ASTN2: variants seen among roughly 807,000 people sequenced by gnomAD.
The protein encoded by ASTN2 is astrotactin-2.
A neutral mutation model predicts 139.8 loss-of-function variants in ASTN2; 54 were observed. The ratio of observed to expected loss-of-function variants is 0.39; its 90% CI spans 0.31 to 0.48. The LOEUF (loss-of-function observed/expected upper bound fraction) is 0.48. Ranked by LOEUF, ASTN2 falls within the 20% of genes least tolerant of loss-of-function variation. The probability of loss-of-function intolerance (pLI) is 0.95; values close to 1 mark genes in which losing one functional copy is unlikely to be tolerated. For synonymous variants in ASTN2, 756 were observed against 719.5 expected (o/e 1.05, Z -0.81); for missense variants, 1,565 against 1,725.1 (o/e 0.91, Z 1.64).
At chr9:116,591,219 T>A (rs1854366526) in intron 19 of ASTN2, among the ~76,000 whole-genome samples, 1 of 152,122 alleles carries the variant, frequency 6.6e-6, no homozygotes, top group Non-Finnish European at 1.5e-5. Flanking sequence ...GGCTCTGGTA[T>A]CTCCAAGCTT....
At chr9:116,842,108 CAG>C (rs935650712) in intron 11 of ASTN2, among the ~76,000 whole-genome samples, 1 of 152,148 alleles carries the variant, frequency 6.6e-6, no homozygotes, top group Non-Finnish European at 1.5e-5. Context: ...TAGTGTAACA[CAG>C]AGATTCTGAG....
chr9:117,212,328 A>C (rs1832161086), intron 3 of ASTN2, among the ~76,000 whole-genome samples: 1 of 151,560 alleles, frequency 6.6e-6, no homozygotes, highest in African/African-American at 2.4e-5. Flanking sequence ...CAGGGGAAAC[A>C]CTTCAAGACA....
intron 1 of ASTN2, among the ~76,000 whole-genome samples, chr9:117,301,318 G>T (rs76374803): frequency 0.011 from 1,605 of 152,028 alleles, 29 homozygotes; most frequent in African/African-American, 0.036. Flanking sequence ...CCTCTTCCTT[G>T]TCCCACAACA....
intron 2 of ASTN2, among the ~76,000 whole-genome samples, chr9:117,218,686 C>A (rs1832412376): frequency 6.6e-6 from 1 of 152,200 alleles, no homozygotes; most frequent in Non-Finnish European, 1.5e-5. Flanking sequence ...CTGACCTTGG[C>A]TTGCTCCTAT....
intron 4 of ASTN2, among the ~76,000 whole-genome samples, chr9:117,098,468 G>A (rs777125741): frequency 6.6e-6 from 1 of 152,042 alleles, no homozygotes; most frequent in Non-Finnish European, 1.5e-5. Flanking sequence ...TCCTTAAGAC[G>A]GTATGTTCTA....
chr9:116,812,794 G>C (rs939554046), intron 12 of ASTN2, among the ~76,000 whole-genome samples: 1 of 152,110 alleles, frequency 6.6e-6, no homozygotes, highest in African/African-American at 2.4e-5. Context: ...GTGAGTGTGT[G>C]TGTACGACTT....
chr9:116,868,412 C>T (rs1833072095), intron 10 of ASTN2, among the ~76,000 whole-genome samples: 2 of 152,132 alleles, frequency 1.3e-5, no homozygotes, highest in Non-Finnish European at 2.9e-5. Context: ...TACCCTGTGT[C>T]TTGGGCAAGT....
intron 1 of ASTN2, among the ~76,000 whole-genome samples, chr9:117,392,421 C>T (rs1830564732): frequency 6.6e-6 from 1 of 152,150 alleles, no homozygotes; most frequent in Non-Finnish European, 1.5e-5. Flanking sequence ...AGGTTACTAG[C>T]TTATTTTCTT....
chr9:117,054,929 C>T (rs931826981), intron 5 of ASTN2, among the ~76,000 whole-genome samples: 2 of 152,156 alleles, frequency 1.3e-5, no homozygotes, highest in Admixed American at 1.3e-4. Flanking sequence ...GTTAGATTGT[C>T]ATAAGGAGCA....
intron 3 of ASTN2, among the ~76,000 whole-genome samples, chr9:117,159,686 A>T (rs762009653): frequency 6.6e-6 from 1 of 152,058 alleles, no homozygotes; most frequent in African/African-American, 2.4e-5. Context: ...ACTTCATGAG[A>T]TTTGTTTTTT....
chr9:116,858,760 T>C (rs931397548), intron 11 of ASTN2, among the ~76,000 whole-genome samples: 4 of 152,180 alleles, frequency 2.6e-5, no homozygotes, highest in African/African-American at 9.7e-5. Flanking sequence ...AGGGATATGG[T>C]CTCCTTGGAA....
chr9:117,092,637 A>G (rs892805382), intron 5 of ASTN2, among the ~76,000 whole-genome samples: 2 of 152,170 alleles, frequency 1.3e-5, no homozygotes, highest in African/African-American at 4.8e-5. Flanking sequence ...TGGAGTCCCA[A>G]ATGCTATTAG....
At chr9:116,871,206 C>G (rs571088198) in intron 10 of ASTN2, among the ~76,000 whole-genome samples, 19 of 152,122 alleles carry the variant, frequency 1.2e-4, no homozygotes, top group Non-Finnish European at 2.4e-4. Context: ...TGCAGTGAGC[C>G]GAGATCGTGC....
chr9:116,540,985 A>C (rs1327838251), intron 19 of ASTN2, among the ~76,000 whole-genome samples: 1 of 151,800 alleles, frequency 6.6e-6, no homozygotes, highest in Non-Finnish European at 1.5e-5. Context: ...TAGGGGAAAA[A>C]GTTTGAATGC....
chr9:117,316,397 G>T (rs1466295288), intron 1 of ASTN2, among the ~76,000 whole-genome samples: 3 of 152,128 alleles, frequency 2.0e-5, no homozygotes, highest in Non-Finnish European at 4.4e-5. Context: ...GATGGATGGA[G>T]GGAGGGAGAG....
intron 2 of ASTN2, among the ~76,000 whole-genome samples, chr9:117,274,556 C>A (rs1834141052): frequency 6.6e-6 from 1 of 152,206 alleles, no homozygotes; most frequent in Non-Finnish European, 1.5e-5. Flanking sequence ...TTTCATTCCA[C>A]ACAATCTTTG....
At chr9:116,541,625 T>C (rs779024521) in intron 19 of ASTN2, among the ~76,000 whole-genome samples, 16 of 152,124 alleles carry the variant, frequency 1.1e-4, no homozygotes, top group Non-Finnish European at 2.1e-4. Context: ...CTGCACCAGA[T>C]TGGGGAAGTG....
chr9:117,118,586 T>G (rs1327920210), intron 4 of ASTN2, among the ~76,000 whole-genome samples: 1 of 152,232 alleles, frequency 6.6e-6, no homozygotes, highest in Non-Finnish European at 1.5e-5. Flanking sequence ...GGTCAGATTA[T>G]AAATGTAAAT....
intron 4 of ASTN2, among the ~76,000 whole-genome samples, chr9:117,116,450 T>C (rs1829393289): frequency 6.6e-6 from 1 of 152,174 alleles, no homozygotes; most frequent in African/African-American, 2.4e-5. Context: ...CATGTGCATC[T>C]TTCTGGCCAC....
Sources: allele counts gnomAD v4.1 joint callset (sites outside exome capture counted in the v4.1 genomes callset), GRCh38; gene constraint gnomAD v4.1.1; transcripts MANE v1.5; gene names NCBI Gene and HGNC (gene_info 2026-07-23, HGNC 2026-07-21).